FRY: variants seen among roughly 807,000 people sequenced by gnomAD.
FRY encodes the protein FRY microtubule binding protein, also known as protein furry homolog.
A neutral mutation model predicts 348.4 loss-of-function variants in FRY; 128 were observed. That is an observed-to-expected ratio of 0.37 (90% CI 0.32 to 0.43). The LOEUF (loss-of-function observed/expected upper bound fraction) is 0.43, where lower values mean the gene tolerates loss of function less well. Among genes scored for constraint, FRY ranks in the 20% least tolerant of loss-of-function variants. FRY has a pLI of 1.00. For missense variants in FRY, 2,736 were observed against 3,695.2 expected (o/e 0.74, Z 6.73); for synonymous variants, 1,370 against 1,374.7 (o/e 1.00, Z 0.08).
At chr13:32,136,076 G>A (rs928234968) in intron 10 of FRY, among the ~76,000 whole-genome samples, 5 of 152,018 alleles carry the variant, frequency 3.3e-5, no homozygotes, top group Admixed American at 1.3e-4. Context: ...AGCATTGTGG[G>A]CAGTTGTTTC....
Position 32,239,211 on chromosome 13 carries a change from T to C in FRY, c.6419-41T>C, listed in dbSNP as rs756149938. ...CTTCCCACTGTTAACAGCTAAAATA[T>C]ACCATATTCAGCTATCTCCATTGTA... On this transcript the variant is annotated intron_variant, in intron 44 of 60. Coordinates refer to ENST00000542859, the MANE Select transcript of FRY (RefSeq NM_023037.3). The surrounding 1 kb of genome is among the most constrained non-coding windows in gnomAD (Gnocchi z 4.3). 1 of 1,198,834 alleles carries C rather than the reference T, an allele frequency of 8.3e-7. No individual in the cohort carries two copies. The highest frequency in any genetic ancestry group is 1.2e-6 in the Non-Finnish European group (1 of 802,142). The allele number at this position is 1,198,834 out of a possible 1,614,324, so 74.3% of individuals were successfully genotyped here. A position where few individuals can be genotyped will look rare whatever the true frequency, so the allele number is the denominator to read the frequency against.
rs188470541 is a variant in FRY at position 32,172,628 on chromosome 13, A to G, written c.2152-739A>G. Among the ~76,000 whole-genome samples the G allele has an allele frequency of 2.6e-3, 397 of 152,258 alleles. 4 individuals are homozygous for G. The highest frequency in any genetic ancestry group is 8.9e-3 in the African/African-American group (370 of 41,546). ...CAGATGGAGAAAGGGGTCTGGCTGGAGAAGAGTGTAACTGAGAGTCTAAAG... is the reference window on the plus strand; with the variant it reads ...CAGATGGAGAAAGGGGTCTGGCTGGGGAAGAGTGTAACTGAGAGTCTAAAG... On this transcript the variant is annotated intron_variant, in intron 18 of 60. Coordinates refer to ENST00000542859, the MANE Select transcript of FRY (RefSeq NM_023037.3).
At position 32,298,046 on chromosome 13, in the gene FRY, T is replaced by C. The variant is rs992688433; in HGVS notation, c.*2586T>C. The C allele has an allele frequency of 4.6e-5, 7 of 152,212 alleles. No homozygotes were observed. The highest frequency in any genetic ancestry group is 6.5e-5 in the Admixed American group (1 of 15,280). 9.4% of individuals were successfully genotyped at this position (152,212 alleles called of 1,614,324 possible). A position where few individuals can be genotyped will look rare whatever the true frequency, so the allele number is the denominator to read the frequency against. On this transcript the variant is annotated 3_prime_UTR_variant, in exon 61 of 61. Coordinates refer to ENST00000542859, the MANE Select transcript of FRY (RefSeq NM_023037.3). The stretch of plus-strand genomic sequence containing the variant: ...CTGCACATTTTTAGAGGCACGTGAA[T>C]GTCATTCCCACCTCTAACCCATCTA...
At position 32,061,144 on chromosome 13, in the gene FRY, C is replaced by T. The variant is rs182028503; in HGVS notation, c.71-17690C>T. The T allele has an allele frequency of 5.6e-6, 3 of 533,328 alleles. No homozygotes were observed. The East Asian group carries it at 1.6e-4, about 29-fold the overall frequency. 33.0% of individuals were successfully genotyped at this position (533,328 alleles called of 1,614,324 possible). On this transcript the variant is annotated intron_variant, in intron 1 of 60. Coordinates refer to ENST00000542859, the MANE Select transcript of FRY (RefSeq NM_023037.3). ...CTTGTTGGAGACGATCCTGTGTGATCAGCTTCATAAAAGGGCTTGGTAGGT... is the reference window on the plus strand; with the variant it reads ...CTTGTTGGAGACGATCCTGTGTGATTAGCTTCATAAAAGGGCTTGGTAGGT...
chr13:32,133,764 C>CTTTTTTTTTTTTTTTTTTTTTTT (rs1259372646), intron 8 of FRY, among the ~76,000 whole-genome samples: 14 of 108,476 alleles, frequency 1.3e-4, no homozygotes, highest in Non-Finnish European at 2.4e-4. Context: ...TTCTTTCTTT[C>CTTTTTTTTTTTTTTTTTTTTTTT]TTTCTTTTTT....
intron 7 of FRY, among the ~76,000 whole-genome samples, chr13:32,126,274 A>C (rs1879012806): frequency 6.6e-6 from 1 of 152,252 alleles, no homozygotes. Context: ...CAGTATCCAA[A>C]AATGACTTTG....
At chr13:32,080,899 A>T (rs933331646) in intron 2 of FRY, among the ~76,000 whole-genome samples, 6 of 152,248 alleles carry the variant, frequency 3.9e-5, no homozygotes, top group Admixed American at 3.9e-4. Context: ...GTGAAGTTGT[A>T]CAAAAGTTCA....
At chr13:32,294,066 C>T (rs923683565) in intron 59 of FRY, among the ~76,000 whole-genome samples, 5 of 152,212 alleles carry the variant, frequency 3.3e-5, no homozygotes, top group Admixed American at 6.5e-5. Context: ...AGCCTGATCT[C>T]TTGTACTCTT....
At chr13:32,155,869 C>A (rs1287150374) in intron 15 of FRY, among the ~76,000 whole-genome samples, 2 of 152,118 alleles carry the variant, frequency 1.3e-5, no homozygotes, top group Admixed American at 1.3e-4. Context: ...AATATTTTGG[C>A]ATTTAAATGT....
At chr13:32,206,564 C>T (rs747897034) in intron 31 of FRY, among the ~76,000 whole-genome samples, 11 of 152,060 alleles carry the variant, frequency 7.2e-5, no homozygotes, top group Admixed American at 3.9e-4. Flanking sequence ...TAAGGATGAG[C>T]GATATTGGAG....
rs769392957 is a variant in FRY at position 32,202,376 on chromosome 13, T to G, written c.3867T>G (p.Phe1289Leu). ...TATAGATCCTTGAAGCAAAGCTTTT[T>G]GTATACTCAAAGAAAGTCGCTGAGC... ...QLMQILEAKLFVYSKKVAEQR... is the reference protein window; with the variant it reads ...QLMQILEAKLLVYSKKVAEQR... Residue 1289 changes from phenylalanine (F) to leucine (L), a missense_variant, in exon 31 of 61, where the codon TTT becomes TTG. Phe to Leu is a conservative substitution (Grantham distance 22). Around this residue, in one of 9 missense-constraint regions of FRY, gnomAD observed 794 missense variants for 977.0 expected, o/e 0.81. Coordinates refer to ENST00000542859, the MANE Select transcript of FRY (RefSeq NM_023037.3). The G allele has an allele frequency of 5.6e-6, 9 of 1,614,012 alleles. No individual in the cohort carries two copies. In the South Asian group the frequency reaches 7.7e-5, roughly 14 times the overall value.
intron 11 of FRY, among the ~76,000 whole-genome samples, chr13:32,146,359 CAG>C (rs1443248938): frequency 6.6e-6 from 1 of 152,028 alleles, no homozygotes; most frequent in African/African-American, 2.4e-5. Context: ...TTTTTTGAGA[CAG>C]AGTCTCGCTC....
rs1342857411 is a variant in FRY at position 32,209,014 on chromosome 13, G to T, written c.4180G>T (p.Asp1394Tyr). The T allele has an allele frequency of 1.4e-5, 23 of 1,614,082 alleles. No individual in the cohort carries two copies. In the East Asian group the frequency reaches 4.9e-4, roughly 34 times the overall value. ...GGACGAAGTCAAGGACCGGGAAGGTGACGTGACTGCTTCTCACGGGCTGAG... is the reference window on the plus strand; with the variant it reads ...GGACGAAGTCAAGGACCGGGAAGGTTACGTGACTGCTTCTCACGGGCTGAG... Reference protein sequence around the residue: ...PEDEVKDREGDVTASHGLRGN... With the variant: ...PEDEVKDREGYVTASHGLRGN... Residue 1394 changes from aspartate to tyrosine, a missense_variant, in exon 32 of 61, where the codon GAC becomes TAC. Coordinates refer to ENST00000542859, the MANE Select transcript of FRY (RefSeq NM_023037.3).
rs750852858 is a variant in FRY, at chr13:32,224,402, G to A, written c.4916+17G>A. ...ACTCCACAGGTGAGCAGCATGTGTG[G>A]GGAGAAGGAAATCTTAGCTTTGACT... On this transcript the variant is annotated intron_variant, in intron 37 of 60. Transcript: ENST00000542859. 1.2e-6 allele frequency: 2 copies of A among 1,612,266 alleles called. No homozygotes were observed. Among genetic ancestry groups the A allele is most frequent in the South Asian group, 1.1e-5 (1 of 90,850 alleles).
Position 32,274,902 on chromosome 13 carries a change from C to G in FRY, c.8197C>G (p.Leu2733Val), listed in dbSNP as rs1888442036. ...TGCAGCCAGTTACCTTGGAGATAAC[C>G]TCCGGGGAATCGGATCCAAATTTGT... ...CDAASYLGDN[L>V]RGIGSKFVSS... Residue 2733 changes from leucine (L) to valine (V), a missense_variant, in exon 56 of 61, where the codon CTC (leucine) becomes GTC (valine). Transcript: ENST00000542859. The G allele has an allele frequency of 6.2e-7, 1 of 1,612,910 alleles. No individual in the cohort carries two copies. The highest frequency in any genetic ancestry group is 8.5e-7 in the Non-Finnish European group (1 of 1,178,978).
intron 27 of FRY, among the ~76,000 whole-genome samples, chr13:32,186,797 AC>A (rs1312946682): frequency 1.3e-5 from 2 of 152,118 alleles, no homozygotes; most frequent in Non-Finnish European, 2.9e-5. Flanking sequence ...TTTCCCCCCA[AC>A]TAGGACTATT....
chr13:32,175,654 A>T (rs749465371), intron 20 of FRY, 22 bp downstream of exon 20: 2 of 1,298,228 alleles, frequency 1.5e-6, no homozygotes, highest in East Asian at 2.3e-5. Flanking sequence ...TTTGATTCCA[A>T]TTAATGGCTC....
intron 23 of FRY, 23 bp from the exon 24 acceptor site, chr13:32,182,954 A>T: frequency 2.6e-6 from 4 of 1,534,290 alleles, no homozygotes; most frequent in Non-Finnish European, 3.6e-6. Context: ...ATGAATTTCA[A>T]ATTTGACCTT....
chr13:32,131,973 G>T, intron 8 of FRY, 133 bp downstream of exon 8: 3 of 766,282 alleles, frequency 3.9e-6, no homozygotes, highest in Non-Finnish European at 7.0e-6. Context: ...AATAATTCAT[G>T]AAGTCCTTTG....
Sources: allele counts gnomAD v4.1 joint callset (sites outside exome capture counted in the v4.1 genomes callset), GRCh38; gene constraint gnomAD v4.1.1; regional missense constraint gnomAD v4.1.1; non-coding constraint Gnocchi (gnomAD v3.1); transcripts MANE v1.5; gene names NCBI Gene and HGNC (gene_info 2026-07-23, HGNC 2026-07-21).